The following SUMF2 variants were observed in gnomAD, a reference collection of about 807,000 sequenced individuals.
The protein encoded by SUMF2 is inactive C-alpha-formylglycine-generating enzyme 2.
SUMF2 carries 45 observed loss-of-function variants against 44.8 expected under a neutral mutation model. That is an observed-to-expected ratio of 1.00 (90% CI 0.79 to 1.29). The LOEUF (loss-of-function observed/expected upper bound fraction) is 1.29. Ranked by LOEUF, SUMF2 falls within the 50% of genes most tolerant of loss-of-function variation. The probability of loss-of-function intolerance (pLI) is 0.00; values close to 1 mark genes in which losing one functional copy is unlikely to be tolerated. For missense variants in SUMF2, 418 were observed against 389.9 expected (o/e 1.07, Z -0.61); for synonymous variants, 148 against 150.4 (o/e 0.98, Z 0.12).
downstream of SUMF2, chr7:56,083,302 G>C (rs1182632625): frequency 8.1e-6 from 13 of 1,613,858 alleles, no homozygotes; most frequent in East Asian, 2.2e-5. Context: ...CCCGGCTCCA[G>C]CTGGCAGGAA....
chr7:56,081,312 G>A, downstream of SUMF2: 2 of 1,599,336 alleles, frequency 1.3e-6, no homozygotes, highest in Non-Finnish European at 1.7e-6. The surrounding 1 kb of genome is among the most constrained non-coding windows in gnomAD (Gnocchi z 4.6). Flanking sequence ...GCAGGGCCAG[G>A]CGGAGAAGCT....
In SUMF2 at chr7:56,079,695, T is replaced by C. The variant is rs1324020705; in HGVS notation, c.*83T>C. The C allele has an allele frequency of 1.9e-6, 3 of 1,613,354 alleles. No individual in the cohort carries two copies. The highest frequency in any genetic ancestry group is 2.5e-6 in the Non-Finnish European group (3 of 1,179,618). ...TGTTGCAAACAGCGCAATTCCAAGC[T>C]CGAGAGCTTCAGCCTCAGGAAAGAA... On this transcript the variant is annotated 3_prime_UTR_variant, in exon 9 of 9. Coordinates refer to ENST00000434526, the MANE Select transcript of SUMF2 (RefSeq NM_015411.4).
intron 5 of SUMF2, among the ~76,000 whole-genome samples, chr7:56,076,028 AT>A (rs71015183): frequency 0.48 from 59,705 of 125,134 alleles, 13,736 homozygotes; most frequent in East Asian, 0.68. Flanking sequence ...ATGCCCGGCT[AT>A]TTTTTTTTTT....
chr7:56,068,190 C>T (rs925127207), intron 1 of SUMF2, among the ~76,000 whole-genome samples: 57 of 151,752 alleles, frequency 3.8e-4, no homozygotes, highest in African/African-American at 1.3e-3. Context: ...ACTGCCACCA[C>T]GCCCGGCTAA....
chr7:56,066,816 C>T (rs905053607), intron 1 of SUMF2, among the ~76,000 whole-genome samples: 2 of 152,182 alleles, frequency 1.3e-5, no homozygotes, highest in African/African-American at 4.8e-5. Flanking sequence ...GATGGGGTTT[C>T]GCCATGTTGG....
chr7:56,084,145 G>C, downstream of SUMF2: 1 of 1,510,724 alleles, frequency 6.6e-7, no homozygotes, highest in East Asian at 2.5e-5. Context: ...CCTGTGAGCA[G>C]TACCTTGCCC....
intron 8 of SUMF2, 151 bp from the exon 9 acceptor site, chr7:56,079,377 C>T: frequency 1.3e-6 from 1 of 769,276 alleles, no homozygotes; most frequent in Admixed American, 2.4e-5. Context: ...CAGGACCTGT[C>T]CTCACACCAG....
chr7:56,079,481 C>CT, intron 8 of SUMF2, 47 bp from the exon 9 acceptor site: 1 of 1,571,018 alleles, frequency 6.4e-7, no homozygotes, highest in East Asian at 2.2e-5. Flanking sequence ...AGCCCTAGGC[C>CT]TTTTTCTCAG....
intron 5 of SUMF2, among the ~76,000 whole-genome samples, chr7:56,075,109 C>T (rs749108520): frequency 6.0e-5 from 9 of 150,942 alleles, no homozygotes; most frequent in South Asian, 4.2e-4. Context: ...AAAGAAAAAG[C>T]GGGGGGATGG....
chr7:56,073,026 C>A lies in SUMF2; in HGVS notation c.254C>A (p.Thr85Lys), dbSNP rs1280514684. 2 of 1,614,100 alleles carry A rather than the reference C, an allele frequency of 1.2e-6. No individual in the cohort carries two copies. The highest frequency in any genetic ancestry group is 4.5e-5 in the East Asian group (2 of 44,882). The change falls in exon 3 of 9, where the codon ACA becomes AAA. Residue 85 changes from threonine to lysine, a missense_variant. Coordinates refer to ENST00000434526, the MANE Select transcript of SUMF2 (RefSeq NM_015411.4). ...RDFVREKKYR[T>K]EAEMFGWSFV... is the part of the protein sequence containing the mutation. Reference sequence around the variant, plus strand: ...TTTGTCAGGGAGAAAAAGTATCGGACAGAAGCTGAGATGTTTGGATGGAGC... The same window carrying A: ...TTTGTCAGGGAGAAAAAGTATCGGAAAGAAGCTGAGATGTTTGGATGGAGC...
chr7:56,084,194 C>T, downstream of SUMF2: 1 of 1,534,968 alleles, frequency 6.5e-7, no homozygotes, highest in Non-Finnish European at 8.7e-7. Flanking sequence ...GGGAGAGTCC[C>T]AGCCCAAGCA....
chr7:56,086,742 T>C, the SUMF2 span: 1 of 562,198 alleles, frequency 1.8e-6, no homozygotes, highest in Non-Finnish European at 3.2e-6. Context: ...CCCATAATAC[T>C]GATGAGAAAA....
Position 56,074,813 on chromosome 7 carries a change from A to G in SUMF2, c.535+77A>G, listed in dbSNP as rs1202259744. ...GCATGAGGGGCTTTAAAGGGTGGAA[A>G]GGGGCTGGGCGCAGTGGCTTATGCC... On this transcript the variant is annotated intron_variant, in intron 5 of 8. Transcript: ENST00000434526. 12 of 1,584,198 alleles carry G rather than the reference A, an allele frequency of 7.6e-6. No homozygotes were observed. The East Asian group carries it at 2.7e-4, about 36-fold the overall frequency.
chr7:56,080,924 T>C (rs2117525294), downstream of SUMF2: 1 of 1,096,280 alleles, frequency 9.1e-7, no homozygotes, highest in Non-Finnish European at 1.3e-6. Flanking sequence ...GTGGCCTCAG[T>C]TCCAGGGGTT....
chr7:56,064,426 G>A, intron 1 of SUMF2, 48 bp downstream of exon 1: 1 of 1,567,842 alleles, frequency 6.4e-7, no homozygotes, highest in Non-Finnish European at 8.6e-7. Flanking sequence ...AGGGGATGGG[G>A]CGCTCCGCCC....
chr7:56,087,583 G>A, the SUMF2 span: 1 of 1,608,162 alleles, frequency 6.2e-7, no homozygotes, highest in Non-Finnish European at 8.5e-7. Flanking sequence ...CGTGTGGCTT[G>A]GGGCCATCAC....
intron 5 of SUMF2, among the ~76,000 whole-genome samples, chr7:56,075,567 C>T (rs955254452): frequency 4.6e-5 from 7 of 151,540 alleles, no homozygotes; most frequent in East Asian, 2.0e-4. Context: ...GGCTTGGTGG[C>T]GGGCGCCTGT....
At chr7:56,074,407 C>G (rs1795392615) in intron 4 of SUMF2, 179 bp from the exon 5 acceptor site, 1 of 999,466 alleles carries the variant, frequency 1.0e-6, no homozygotes, top group Non-Finnish European at 1.5e-6. Flanking sequence ...CCATCCATTT[C>G]TCCCTTCAGC....
intron 5 of SUMF2, 27 bp from the exon 6 acceptor site, chr7:56,076,807 T>C: frequency 1.3e-6 from 2 of 1,576,674 alleles, no homozygotes; most frequent in Non-Finnish European, 1.7e-6. Context: ...CTCCCCCTCC[T>C]CTGCTGCCTC....
Sources: gnomAD v4.1 joint callset for allele counts (sites outside exome capture counted in the v4.1 genomes callset) on GRCh38, gnomAD v4.1.1 for gene constraint, Gnocchi (gnomAD v3.1) non-coding constraint, MANE v1.5 for transcripts, NCBI Gene and HGNC (gene_info 2026-07-23, HGNC 2026-07-21) for gene names.